Variants in REDIC1 observed in about 807,000 individuals in gnomAD.
The protein encoded by REDIC1 is regulator of DNA class I crossover intermediates 1, also known as HEI10 Interacting Protein 1.
chr12:39,755,020 G>T, the REDIC1 span: 1 of 152,046 alleles, frequency 6.6e-6, no homozygotes, highest in East Asian at 1.9e-4. Context: ...TGCAAGGGAA[G>T]TTAATGAGTA....
chr12:39,860,596 A>C, the REDIC1 span, among the ~76,000 whole-genome samples: 1 of 152,206 alleles, frequency 6.6e-6, no homozygotes, highest in East Asian at 1.9e-4. Context: ...AATTGCACGC[A>C]TGGTCTTACA....
the REDIC1 span, among the ~76,000 whole-genome samples, chr12:39,844,843 T>C: frequency 8.2e-4 from 125 of 152,204 alleles, no homozygotes; most frequent in African/African-American, 2.9e-3. Flanking sequence ...GTTTCTTAAG[T>C]AGTTAATTTT....
chr12:39,856,588 C>T, the REDIC1 span, among the ~76,000 whole-genome samples: 3 of 152,098 alleles, frequency 2.0e-5, no homozygotes, highest in Non-Finnish European at 4.4e-5. Context: ...AGGATGGTCT[C>T]GATCTCTTGA....
the REDIC1 span, among the ~76,000 whole-genome samples, chr12:39,779,240 A>G: frequency 6.6e-6 from 1 of 152,232 alleles, no homozygotes; most frequent in Non-Finnish European, 1.5e-5. Context: ...AGTTATCCAT[A>G]AAATGAGTAT....
At chr12:39,748,901 C>G in the REDIC1 span, among the ~76,000 whole-genome samples, 2 of 152,160 alleles carry the variant, frequency 1.3e-5, no homozygotes, top group East Asian at 3.9e-4. Context: ...ACCAGAATCT[C>G]TGGGACACAT....
the REDIC1 span, among the ~76,000 whole-genome samples, chr12:39,663,475 G>A: frequency 6.6e-6 from 1 of 151,972 alleles, no homozygotes; most frequent in Non-Finnish European, 1.5e-5. Flanking sequence ...TATGTCTTAA[G>A]AGATGAATTG....
chr12:39,835,284 T>C, the REDIC1 span, among the ~76,000 whole-genome samples: 2 of 151,968 alleles, frequency 1.3e-5, no homozygotes, highest in Non-Finnish European at 2.9e-5. Flanking sequence ...AGATTGTACA[T>C]GAAAGAAAAA....
the REDIC1 span, among the ~76,000 whole-genome samples, chr12:39,833,998 T>A: frequency 2.6e-5 from 4 of 151,810 alleles, no homozygotes; most frequent in Non-Finnish European, 4.4e-5. Flanking sequence ...CCAAGAAGAA[T>A]CTGAACAAAC....
chr12:39,711,470 T>C, the REDIC1 span, among the ~76,000 whole-genome samples: 5,996 of 143,572 alleles, frequency 0.042, 169 homozygotes, highest in Non-Finnish European at 0.064. Flanking sequence ...TACACATACA[T>C]ATATGTATGT....
the REDIC1 span, among the ~76,000 whole-genome samples, chr12:39,706,262 G>A: frequency 6.6e-6 from 1 of 151,906 alleles, no homozygotes; most frequent in Non-Finnish European, 1.5e-5. Context: ...GGAAGTGAAA[G>A]AGCTCAATAA....
chr12:39,782,668 A>T, the REDIC1 span, among the ~76,000 whole-genome samples: 2 of 152,218 alleles, frequency 1.3e-5, no homozygotes, highest in Non-Finnish European at 2.9e-5. Flanking sequence ...GGAACTGGGT[A>T]ACAGACAAAG....
chr12:39,884,964 C>T, the REDIC1 span, among the ~76,000 whole-genome samples: 1 of 152,204 alleles, frequency 6.6e-6, no homozygotes, highest in Non-Finnish European at 1.5e-5. Context: ...GGATGATAAA[C>T]ATCTATTCAG....
At chr12:39,829,856 C>T in the REDIC1 span, 1 of 444,804 alleles carries the variant, frequency 2.2e-6, no homozygotes, top group African/African-American at 2.0e-5. Flanking sequence ...AACTAAAGAT[C>T]CAAACTCCTA....
the REDIC1 span, among the ~76,000 whole-genome samples, chr12:39,711,101 T>A: frequency 1.3e-5 from 2 of 151,454 alleles, no homozygotes; most frequent in South Asian, 4.1e-4. Context: ...TGACTTTGCA[T>A]CTTCATATCT....
chr12:39,819,055 G>A, the REDIC1 span, among the ~76,000 whole-genome samples: 4 of 152,140 alleles, frequency 2.6e-5, no homozygotes, highest in African/African-American at 7.2e-5. Context: ...GCACCCCACA[G>A]AAGGGAAAAC....
At chr12:39,694,899 G>A in the REDIC1 span, among the ~76,000 whole-genome samples, 2 of 152,232 alleles carry the variant, frequency 1.3e-5, no homozygotes, top group East Asian at 3.9e-4. Flanking sequence ...TTACATCCTG[G>A]ATACCAGATT....
At chr12:39,750,425 T>C in the REDIC1 span, among the ~76,000 whole-genome samples, 2 of 152,152 alleles carry the variant, frequency 1.3e-5, no homozygotes, top group African/African-American at 2.4e-5. Context: ...CACAAACAAA[T>C]GGAAAAACAT....
the REDIC1 span, among the ~76,000 whole-genome samples, chr12:39,821,705 T>G: frequency 1.3e-5 from 2 of 152,300 alleles, no homozygotes; most frequent in East Asian, 1.9e-4. Context: ...TGTTTAAAAC[T>G]CCATGCCTTA....
chr12:39,704,443 G>A, the REDIC1 span, among the ~76,000 whole-genome samples: 1 of 152,162 alleles, frequency 6.6e-6, no homozygotes, highest in Non-Finnish European at 1.5e-5. Flanking sequence ...AGAGGATGTG[G>A]AGAAATAGGA....
Sources: gnomAD v4.1 joint callset for allele counts (sites outside exome capture counted in the v4.1 genomes callset) on GRCh38, gnomAD v4.1.1 for gene constraint, MANE v1.5 for transcripts, NCBI Gene and HGNC (gene_info 2026-07-23, HGNC 2026-07-21) for gene names.